The following CEP112 variants were observed in gnomAD, a reference collection of about 807,000 sequenced individuals.
The protein encoded by CEP112 is centrosomal protein of 112 kDa.
CEP112 carries 127 observed loss-of-function variants against 153.0 expected under a neutral mutation model. The ratio of observed to expected loss-of-function variants is 0.83; its 90% CI spans 0.72 to 0.96. The LOEUF is 0.96. CEP112 is among the 40% of genes least tolerant of loss of function. CEP112 has a pLI of 0.00. For missense variants in CEP112, 1,089 were observed against 1,101.2 expected (o/e 0.99, Z 0.16); for synonymous variants, 358 against 374.4 (o/e 0.96, Z 0.51).
intron 12 of CEP112, among the ~76,000 whole-genome samples, chr17:66,034,224 T>A (rs1373260667): frequency 2.0e-5 from 3 of 152,168 alleles, no homozygotes; most frequent in Non-Finnish European, 4.4e-5. Flanking sequence ...ATAGAAAATA[T>A]TAGCATTTTA....
At chr17:66,137,078 C>T (rs1034120045) in intron 4 of CEP112, among the ~76,000 whole-genome samples, 2 of 151,990 alleles carry the variant, frequency 1.3e-5, no homozygotes, top group African/African-American at 4.8e-5. Flanking sequence ...TTAAAAACAA[C>T]CATAATCAAA....
Position 66,053,821 on chromosome 17 carries a change from G to A in CEP112, c.1133C>T (p.Thr378Ile), listed in dbSNP as rs1374633910. The stretch of plus-strand genomic sequence containing the variant: ...CTCAAGCAATTCTTGAATGTTTTCA[G>A]TGTGTTGCTTTTGAAGATCAAACTT... ...QEKFDLQKQH[T>I]ENIQELLEDT... is the part of the protein sequence containing the mutation. The change falls in exon 12 of 27, where the codon ACT (threonine) becomes ATT (isoleucine). Residue 378 changes from threonine (T) to isoleucine (I), a missense_variant. By Grantham distance (89) the Thr-to-Ile change is moderately conservative (BLOSUM62 -1). Coordinates refer to ENST00000535342, the MANE Select transcript of CEP112 (RefSeq NM_001199165.4). 1.9e-6 allele frequency: 3 copies of A among 1,612,770 alleles called. No homozygotes were observed. Among genetic ancestry groups the A allele is most frequent in the Middle Eastern group, 1.7e-4 (1 of 6,056 alleles).
In CEP112 at chr17:66,066,820, G is replaced by T. The variant is rs2067138816; in HGVS notation, c.913C>A (p.Gln305Lys). The change falls in exon 10 of 27, where the codon CAA becomes AAA. Residue 305 changes from glutamine (Q) to lysine (K), a missense_variant. By Grantham distance (53) the Gln-to-Lys change is moderately conservative. Transcript: ENST00000535342. ...CTAATAGTCTCTTCAGTTTCATGTT[G>T]TTTACTCCTGTATAAAGTTTTCAGT... ...EELKTLYRSK[Q>K]HETEETIRKL... 2 of 1,551,234 alleles carry T rather than the reference G, an allele frequency of 1.3e-6. No homozygotes were observed. The highest frequency in any genetic ancestry group is 1.7e-6 in the Non-Finnish European group (2 of 1,151,994).
chr17:65,679,129 CTTTTTTTTTTTTTTTTTTTTT>C lies in CEP112; in HGVS notation c.2697+9979_2697+9999del, dbSNP rs57907674. ...AATGTCCTTGACACTGTGGTTCAAG[CTTTTTTTTTTTTTTTTTTTTT>C]TTTTTTTTTTTTTTTTTTTTTCAGA... On this transcript the variant is annotated intron_variant, in intron 24 of 26. Transcript: ENST00000535342. 9.2e-3 allele frequency among the ~76,000 whole-genome samples: 291 copies of C among 31,620 alleles called. 4 individuals are homozygous for C. The East Asian group carries it at 0.19, about 20-fold the overall frequency. The allele number at this position is 31,620 out of a possible 152,430, so 20.7% of individuals were successfully genotyped here.
At chr17:65,925,138 T>TC (rs35279963) in intron 19 of CEP112, among the ~76,000 whole-genome samples, 27 of 152,168 alleles carry the variant, frequency 1.8e-4, no homozygotes, top group African/African-American at 5.8e-4. Context: ...GGGGGCAGCT[T>TC]CCCCCCGTAC....
At chr17:65,773,504 A>T (rs2053503496) in intron 21 of CEP112, among the ~76,000 whole-genome samples, 1 of 152,224 alleles carries the variant, frequency 6.6e-6, no homozygotes, top group Non-Finnish European at 1.5e-5. Context: ...GTTAAAAATC[A>T]TTGAACTGGA....
intron 8 of CEP112, among the ~76,000 whole-genome samples, chr17:66,083,272 C>A (rs547973590): frequency 3.7e-4 from 56 of 152,252 alleles, no homozygotes; most frequent in African/African-American, 1.3e-3. Context: ...TGCTCTCTTG[C>A]CTGCCACCAT....
chr17:65,777,283 C>T (rs1176549936), intron 21 of CEP112, among the ~76,000 whole-genome samples: 2 of 152,198 alleles, frequency 1.3e-5, no homozygotes, highest in African/African-American at 2.4e-5. Context: ...GTAAGCCAGA[C>T]TGTGACCTGA....
At chr17:65,653,012 G>A (rs924869053) in intron 24 of CEP112, among the ~76,000 whole-genome samples, 3 of 152,054 alleles carry the variant, frequency 2.0e-5, no homozygotes, top group Non-Finnish European at 4.4e-5. Flanking sequence ...TCCTTGATGC[G>A]CTCTGGTCTC....
At chr17:66,146,848 C>A (rs2070940406) in intron 4 of CEP112, among the ~76,000 whole-genome samples, 1 of 152,074 alleles carries the variant, frequency 6.6e-6, no homozygotes, top group Admixed American at 6.6e-5. Context: ...GACTTTCTTC[C>A]TTTTTAGGGC....
intron 24 of CEP112, among the ~76,000 whole-genome samples, chr17:65,666,684 T>C (rs572556357): frequency 6.6e-6 from 1 of 152,304 alleles, no homozygotes; most frequent in East Asian, 1.9e-4. Context: ...CATAACGAAA[T>C]TGCTTTGCAA....
At chr17:65,735,889 C>A (rs897214520) in intron 23 of CEP112, among the ~76,000 whole-genome samples, 1 of 152,162 alleles carries the variant, frequency 6.6e-6, no homozygotes, top group Non-Finnish European at 1.5e-5. Context: ...ACCTTAAGAG[C>A]TGCTGGTTTA....
At chr17:66,080,392 G>T (rs118134861) in intron 8 of CEP112, among the ~76,000 whole-genome samples, 1,669 of 152,294 alleles carry the variant, frequency 0.011, 10 homozygotes, top group Non-Finnish European at 0.019. Context: ...CGTTTATACG[G>T]CCAACAAACA....
chr17:66,179,962 C>T (rs1252762802), intron 2 of CEP112, among the ~76,000 whole-genome samples: 1 of 151,900 alleles, frequency 6.6e-6, no homozygotes, highest in Non-Finnish European at 1.5e-5. Flanking sequence ...AGTTTTTGTC[C>T]ACCATTGTGT....
chr17:66,051,287 T>G (rs576592099), intron 12 of CEP112, among the ~76,000 whole-genome samples: 1 of 151,456 alleles, frequency 6.6e-6, no homozygotes, highest in Non-Finnish European at 1.5e-5. Context: ...CGTTTGTGTG[T>G]CTCTCTTGAT....
intron 11 of CEP112, among the ~76,000 whole-genome samples, chr17:66,059,996 A>C (rs2066860447): frequency 6.6e-6 from 1 of 152,126 alleles, no homozygotes. Flanking sequence ...CCTTCGCAGC[A>C]ATGTGGATGC....
At chr17:65,645,880 GGT>G (rs2045403160) in intron 24 of CEP112, among the ~76,000 whole-genome samples, 1 of 152,208 alleles carries the variant, frequency 6.6e-6, no homozygotes. Context: ...TGAGAGTTGA[GGT>G]GTGGTGGGGG....
At chr17:65,822,098 T>C (rs1056423798) in intron 21 of CEP112, among the ~76,000 whole-genome samples, 5 of 151,982 alleles carry the variant, frequency 3.3e-5, no homozygotes, top group East Asian at 1.9e-4. Flanking sequence ...AATATTTCTA[T>C]ATCATTTTAT....
chr17:65,971,289 C>G (rs2062779424), intron 17 of CEP112, among the ~76,000 whole-genome samples: 1 of 152,044 alleles, frequency 6.6e-6, no homozygotes, highest in Admixed American at 6.6e-5. Flanking sequence ...ATGCACATAA[C>G]AAATATGCAC....
Sources: allele counts gnomAD v4.1 joint callset (sites outside exome capture counted in the v4.1 genomes callset), GRCh38; gene constraint gnomAD v4.1.1; transcripts MANE v1.5; gene names NCBI Gene and HGNC (gene_info 2026-07-23, HGNC 2026-07-21).